The following WTAP variants were observed in gnomAD, a reference collection of about 807,000 sequenced individuals.
The protein encoded by WTAP is pre-mRNA-splicing regulator WTAP.
WTAP carries 8 observed loss-of-function variants against 50.0 expected under a neutral mutation model. The observed-to-expected ratio is 0.16, with a 90% confidence interval of 0.09 to 0.29. WTAP has a LOEUF of 0.29. WTAP is among the 10% of genes least tolerant of loss of function. The probability of loss-of-function intolerance (pLI) is 1.00; values close to 1 mark genes in which losing one functional copy is unlikely to be tolerated. For synonymous variants in WTAP, 194 were observed against 169.0 expected, an observed-to-expected ratio of 1.15 and a Z score of -1.15; for missense variants, 295 against 470.7, an observed-to-expected ratio of 0.63 and a Z score of 3.45.
chr6:159,742,923 A>C (rs1298485383), intron 4 of WTAP, among the ~76,000 whole-genome samples: 1 of 152,062 alleles, frequency 6.6e-6, no homozygotes, highest in Non-Finnish European at 1.5e-5. Context: ...GGATCACTAG[A>C]GCCCGGGAGG....
In WTAP at chr6:159,727,688, GC is replaced by G; in HGVS notation, c.-23del. On this transcript the variant is annotated 5_prime_UTR_variant, in exon 1 of 8. Coordinates refer to ENST00000621533, the MANE Select transcript of WTAP (RefSeq NM_001270531.2). The stretch of plus-strand genomic sequence containing the variant: ...CTATGCGACCGGTGGCGCCGGCGCG[GC>G]TTCTGCCTGGAGAGGTAGGCGCGGG... The G allele has an allele frequency of 4.1e-6, 4 of 985,178 alleles. No homozygotes were observed. The highest frequency in any genetic ancestry group is 4.8e-6 in the Non-Finnish European group (4 of 830,020). 61.0% of individuals were successfully genotyped at this position (985,178 alleles called of 1,614,324 possible). A position where few individuals can be genotyped will look rare whatever the true frequency, so the allele number is the denominator to read the frequency against.
chr6:159,726,913 T>G (rs1778197562), upstream of WTAP: 4 of 1,288,858 alleles, frequency 3.1e-6, no homozygotes, highest in South Asian at 4.9e-5. Flanking sequence ...TCTCTTGAGG[T>G]GGCACCTGGT....
rs557967659 is a variant in WTAP at position 159,742,073 on chromosome 6, ATTT to A, written c.87-8_87-6del. On this transcript the variant is annotated splice_polypyrimidine_tract_variant and intron_variant, in intron 3 of 7. Coordinates refer to ENST00000621533, the MANE Select transcript of WTAP (RefSeq NM_001270531.2). ...TTTTATCGTAACAACTAATGTATGG[ATTT>A]TTTTTTATTAGATGGAAACAATATG... 6.1e-5 allele frequency: 95 copies of A among 1,561,134 alleles called. 1 individual carries two copies. Among genetic ancestry groups the A allele is most frequent in the Non-Finnish European group, 8.0e-5 (92 of 1,145,334 alleles).
At chr6:159,744,806 C>T (rs541716717) in intron 5 of WTAP, among the ~76,000 whole-genome samples, 5 of 152,206 alleles carry the variant, frequency 3.3e-5, no homozygotes, top group South Asian at 2.1e-4. Context: ...TTCAGCTTCC[C>T]GAGTAACTGA....
At chr6:159,726,893 C>G (rs1315277242), upstream of WTAP, 3 of 1,289,074 alleles carry the variant, frequency 2.3e-6, no homozygotes, top group African/African-American at 1.5e-5. Flanking sequence ...GGCTCGCCGC[C>G]CACGGCCTCT....
At chr6:159,741,216 T>A (rs1185080579) in intron 3 of WTAP, among the ~76,000 whole-genome samples, 1 of 152,140 alleles carries the variant, frequency 6.6e-6, no homozygotes, top group East Asian at 1.9e-4. Flanking sequence ...TAGCAGTGTA[T>A]ATATTCAGGG....
At chr6:159,737,650 C>G (rs1264687108) in intron 2 of WTAP, among the ~76,000 whole-genome samples, 19 of 151,912 alleles carry the variant, frequency 1.3e-4, no homozygotes, top group African/African-American at 4.4e-4. Flanking sequence ...GCCACTACGC[C>G]TGGCTAATTT....
chr6:159,733,094 T>A (rs1467588890), intron 1 of WTAP, among the ~76,000 whole-genome samples: 1 of 152,040 alleles, frequency 6.6e-6, no homozygotes, highest in Admixed American at 6.6e-5. Context: ...TGCCACCAGG[T>A]TAAGGTAGTT....
chr6:159,735,419 G>A (rs560943954), intron 1 of WTAP, among the ~76,000 whole-genome samples: 1 of 152,272 alleles, frequency 6.6e-6, no homozygotes, highest in East Asian at 1.9e-4. Flanking sequence ...GATTACAGTC[G>A]TGAGCCATCA....
chr6:159,727,393 G>A (rs1231013024), upstream of WTAP: 1 of 1,224,448 alleles, frequency 8.2e-7, no homozygotes, highest in Admixed American at 2.6e-5. Context: ...GCGGGAGGCG[G>A]GAGGCGGGAG....
chr6:159,736,367 A>T, intron 2 of WTAP, 72 bp downstream of exon 2: 1 of 1,201,912 alleles, frequency 8.3e-7, no homozygotes, highest in Non-Finnish European at 1.2e-6. Context: ...CACTTTAAAA[A>T]AAAATAGACT....
At chr6:159,727,846 C>A (rs1184806496) in intron 1 of WTAP, 143 bp downstream of exon 1, 4 of 542,698 alleles carry the variant, frequency 7.4e-6, no homozygotes, top group Non-Finnish European at 9.4e-6. Flanking sequence ...TCTCGTGAGC[C>A]GCTCTACCTT....
At chr6:159,726,892 C>A (rs1187197479), upstream of WTAP, 6 of 1,289,076 alleles carry the variant, frequency 4.7e-6, no homozygotes, top group Non-Finnish European at 6.1e-6. Flanking sequence ...CGGCTCGCCG[C>A]CCACGGCCTC....
At chr6:159,736,121 ATTGTTTAT>A (rs1778897728) in intron 1 of WTAP, 129 bp from the exon 2 acceptor site, 1 of 903,038 alleles carries the variant, frequency 1.1e-6, no homozygotes, top group African/African-American at 1.7e-5. Flanking sequence ...CTATTTTAAA[ATTGTTTAT>A]TTAAATTCTA....
intron 6 of WTAP, among the ~76,000 whole-genome samples, chr6:159,750,512 A>G (rs903195293): frequency 6.6e-6 from 1 of 152,226 alleles, no homozygotes; most frequent in Non-Finnish European, 1.5e-5. Context: ...AGTAACTGCT[A>G]TTACTTTTTC....
intron 6 of WTAP, 59 bp from the exon 7 acceptor site, chr6:159,753,401 G>A (rs1779891839): frequency 6.2e-7 from 1 of 1,610,190 alleles, no homozygotes; most frequent in Non-Finnish European, 8.5e-7. Flanking sequence ...TGTAATAATT[G>A]TAAGCAAAGA....
In WTAP at chr6:159,743,512, C is replaced by T. The variant is rs192848052; in HGVS notation, c.146-153C>T. 2.2e-3 allele frequency among the ~76,000 whole-genome samples: 328 copies of T among 152,278 alleles called. 2 individuals are homozygous for T. The highest frequency in any genetic ancestry group is 4.0e-3 in the Non-Finnish European group (273 of 68,026). ...CACCATTGTCTCCTAAAGGAGCTCT[C>T]GTGACCAGGAAGAAATTCGCCTGTT... On this transcript the variant is annotated intron_variant, in intron 4 of 7. Transcript: ENST00000621533.
intron 2 of WTAP, among the ~76,000 whole-genome samples, chr6:159,738,268 A>G (rs1330110223): frequency 6.6e-6 from 1 of 152,240 alleles, no homozygotes; most frequent in East Asian, 1.9e-4. Context: ...ACCCCTGGCA[A>G]CCACTAATTT....
intron 1 of WTAP, 147 bp from the exon 2 acceptor site, chr6:159,736,111 C>T: frequency 1.2e-6 from 1 of 842,118 alleles, no homozygotes; most frequent in Middle Eastern, 3.6e-4. Context: ...AAATCTAAAA[C>T]TATTTTAAAA....
Sources: allele counts gnomAD v4.1 joint callset (sites outside exome capture counted in the v4.1 genomes callset), GRCh38; gene constraint gnomAD v4.1.1; transcripts MANE v1.5; gene names NCBI Gene and HGNC (gene_info 2026-07-23, HGNC 2026-07-21).